The following WDR70 variants were observed in gnomAD, a reference collection of about 807,000 sequenced individuals.
WDR70 encodes the protein WD repeat-containing protein 70.
WDR70 carries 53 observed loss-of-function variants against 88.6 expected under a neutral mutation model. The ratio of observed to expected loss-of-function variants is 0.60; its 90% confidence interval spans 0.48 to 0.75. The LOEUF (loss-of-function observed/expected upper bound fraction) is 0.75, where lower values mean the gene tolerates loss of function less well. Ranked by LOEUF, WDR70 falls within the 30% of genes least tolerant of loss-of-function variation. WDR70 has a pLI of 0.00. For synonymous variants in WDR70, 280 were observed against 270.0 expected, an observed-to-expected ratio of 1.04 and a Z score of -0.36; for missense variants, 610 against 823.2, an observed-to-expected ratio of 0.74 and a Z score of 3.17.
At chr5:37,647,378 T>C (rs962383856) in intron 10 of WDR70, among the ~76,000 whole-genome samples, 2 of 152,220 alleles carry the variant, frequency 1.3e-5, no homozygotes, top group Non-Finnish European at 2.9e-5. Context: ...GGTGCCTTAC[T>C]TAGTTTGTTT....
intron 7 of WDR70, among the ~76,000 whole-genome samples, chr5:37,461,121 A>T (rs571331138): frequency 1.3e-5 from 2 of 148,572 alleles, no homozygotes; most frequent in African/African-American, 5.1e-5. Context: ...AAAAAAAAAA[A>T]AAAATAAAGG....
intron 9 of WDR70, among the ~76,000 whole-genome samples, chr5:37,517,880 A>G (rs1166756405): frequency 1.4e-5 from 2 of 147,026 alleles, no homozygotes; most frequent in Non-Finnish European, 3.0e-5. Flanking sequence ...TATATTATAT[A>G]TTATTTATTT....
rs139846876 is a variant in WDR70, at chr5:37,392,073, ATCC to A, written c.252_254del (p.Ser85del). On this transcript the variant is annotated inframe_deletion, in exon 4 of 18. Transcript: ENST00000265107. ...GACAAAATGAAGATATTGAGCCAAC[ATCC>A]TCAAGATCAAATGTGGTCAGAGATT... The A allele has an allele frequency of 2.9e-5, 46 of 1,613,002 alleles. 1 individual carries two copies. In the East Asian group the frequency reaches 9.8e-4, roughly 34 times the overall value.
intron 9 of WDR70, among the ~76,000 whole-genome samples, chr5:37,600,812 G>C (rs1020716306): frequency 8.7e-6 from 1 of 114,838 alleles, no homozygotes; most frequent in African/African-American, 2.6e-5. Context: ...AATGTAAAAG[G>C]GTACAGCCAC....
intron 10 of WDR70, chr5:37,620,062 T>C (rs1744463848): frequency 6.6e-6 from 1 of 152,034 alleles, no homozygotes; most frequent in Non-Finnish European, 1.5e-5. Flanking sequence ...GTCATTCCAA[T>C]TTTAGTATAT....
intron 9 of WDR70, among the ~76,000 whole-genome samples, chr5:37,598,889 G>A (rs1271540034): frequency 7.2e-5 from 11 of 152,138 alleles, no homozygotes; most frequent in Admixed American, 3.9e-4. Context: ...ACAAGAAAAC[G>A]ACACAGGTGG....
intron 9 of WDR70, among the ~76,000 whole-genome samples, chr5:37,571,122 C>T (rs1742887299): frequency 6.6e-6 from 1 of 152,084 alleles, no homozygotes; most frequent in African/African-American, 2.4e-5. Flanking sequence ...GATTTGAAAG[C>T]TTGATTTTGA....
Position 37,701,328 on chromosome 5 carries a change from AC to A in WDR70, c.1277+187del, listed in dbSNP as rs1405176159. On this transcript the variant is annotated intron_variant, in intron 12 of 17. Coordinates refer to ENST00000265107, the MANE Select transcript of WDR70 (RefSeq NM_018034.4). ...TTTTCACATTCCTCAGACTTCAAGA[AC>A]TTTTTTGAAGTTAAAATTATGTATT... Among the ~76,000 whole-genome samples, 3 of 152,094 alleles carry A rather than the reference AC, an allele frequency of 2.0e-5. No individual in the cohort carries two copies. In the East Asian group the frequency reaches 5.8e-4, roughly 29 times the overall value.
intron 9 of WDR70, among the ~76,000 whole-genome samples, chr5:37,530,682 G>A (rs1464328079): frequency 7.1e-6 from 1 of 140,030 alleles, no homozygotes; most frequent in African/African-American, 3.1e-5. Flanking sequence ...TGCTTATTTG[G>A]ATTTTCTGTC....
At chr5:37,559,273 C>T (rs1035688195) in intron 9 of WDR70, among the ~76,000 whole-genome samples, 3 of 152,122 alleles carry the variant, frequency 2.0e-5, no homozygotes, top group African/African-American at 7.2e-5. Flanking sequence ...CATCACTAAG[C>T]AAGATGTATT....
intron 4 of WDR70, among the ~76,000 whole-genome samples, chr5:37,392,500 C>T (rs1164117474): frequency 1.3e-5 from 2 of 151,898 alleles, no homozygotes; most frequent in Non-Finnish European, 2.9e-5. Context: ...CAGACGTGCA[C>T]TACCACGGCC....
At chr5:37,659,259 A>G (rs1745635404) in intron 10 of WDR70, among the ~76,000 whole-genome samples, 1 of 152,232 alleles carries the variant, frequency 6.6e-6, no homozygotes, top group African/African-American at 2.4e-5. Flanking sequence ...ACTGCAATGA[A>G]GTAGTAGCAA....
At chr5:37,618,752 C>A (rs2112500089) in intron 10 of WDR70, among the ~76,000 whole-genome samples, 1 of 152,252 alleles carries the variant, frequency 6.6e-6, no homozygotes, top group East Asian at 1.9e-4. Flanking sequence ...GAAACCATTA[C>A]ATGGATTTTA....
chr5:37,689,080 C>G (rs1387224842), intron 10 of WDR70, among the ~76,000 whole-genome samples: 1 of 152,112 alleles, frequency 6.6e-6, no homozygotes, highest in Admixed American at 6.5e-5. Flanking sequence ...GCCTTGCTCA[C>G]TGCTAGCGCA....
chr5:37,616,337 A>G (rs1010595794), intron 10 of WDR70, among the ~76,000 whole-genome samples: 1 of 151,938 alleles, frequency 6.6e-6, no homozygotes, highest in Non-Finnish European at 1.5e-5. Context: ...CGAACTCCTG[A>G]CCTCAAGTGA....
intron 10 of WDR70, among the ~76,000 whole-genome samples, chr5:37,616,601 C>T (rs1744351161): frequency 6.6e-6 from 1 of 152,180 alleles, no homozygotes; most frequent in Non-Finnish European, 1.5e-5. Flanking sequence ...AATCACATGC[C>T]ATTCCCTCCA....
chr5:37,506,059 C>T, intron 8 of WDR70: 1 of 1,326,660 alleles, frequency 7.5e-7, no homozygotes, highest in Non-Finnish European at 1.1e-6. Context: ...AGCACTGATC[C>T]AGAGAGATCA....
At chr5:37,546,869 A>ATC (rs1227643805) in intron 9 of WDR70, among the ~76,000 whole-genome samples, 1 of 151,950 alleles carries the variant, frequency 6.6e-6, no homozygotes, top group African/African-American at 2.4e-5. Context: ...GTGAGCTGAG[A>ATC]CCATGCCACT....
rs70978842 is a variant in WDR70, at chr5:37,711,987, C to CTTTTTTTTTTTTTTTTTTTTT, written c.1416+8920_1416+8921insTTTTTTTTTTTTTTTTTTTTT. On this transcript the variant is annotated intron_variant, in intron 13 of 17. Coordinates refer to ENST00000265107, the MANE Select transcript of WDR70 (RefSeq NM_018034.4). ...TGGAATTTCAGTGCATATATTTTTT[C>CTTTTTTTTTTTTTTTTTTTTT]TTTTTTTTTTTTTTTTTTTTCTTGA... Among the ~76,000 whole-genome samples the CTTTTTTTTTTTTTTTTTTTTT allele has an allele frequency of 1.9e-5, 2 of 104,022 alleles. 1 individual carries two copies. 68.2% of individuals were successfully genotyped at this position (104,022 alleles called of 152,430 possible). A position where few individuals can be genotyped will look rare whatever the true frequency, so the allele number is the denominator to read the frequency against.
Sources: allele counts gnomAD v4.1 joint callset (sites outside exome capture counted in the v4.1 genomes callset), GRCh38; gene constraint gnomAD v4.1.1; transcripts MANE v1.5; gene names NCBI Gene and HGNC (gene_info 2026-07-23, HGNC 2026-07-21).